The following SPAG8 variants were observed in gnomAD, a reference collection of about 807,000 sequenced individuals.
The protein encoded by SPAG8 is sperm-associated antigen 8.
Under a neutral mutation model 45.3 loss-of-function variants are expected in SPAG8, and 36 were observed. The ratio of observed to expected loss-of-function variants is 0.80; its 90% CI spans 0.61 to 1.05. SPAG8 has a LOEUF of 1.05. SPAG8 is among the 50% of genes least tolerant of loss of function. The pLI is 0.00. For missense variants in SPAG8, 573 were observed against 609.2 expected, an observed-to-expected ratio of 0.94 and a Z score of 0.63; for synonymous variants, 227 against 232.6, an observed-to-expected ratio of 0.98 and a Z score of 0.22.
chr9:35,811,535 A>G lies in SPAG8; in HGVS notation c.511T>C (p.Ser171Pro). The G allele has an allele frequency of 5.0e-6, 8 of 1,606,436 alleles. No individual in the cohort carries two copies. Among genetic ancestry groups the G allele is most frequent in the Non-Finnish European group, 6.0e-6 (7 of 1,175,670 alleles). The part of the protein sequence containing the change: ...SGPGCGSVPG[S>P]GSGPGPGSGP... ...GAGCCAGGACCAGGACCAGAGCCAGAGCCAGGGACAGAGCCACAGCCAGGA... is the reference window on the plus strand; with the variant it reads ...GAGCCAGGACCAGGACCAGAGCCAGGGCCAGGGACAGAGCCACAGCCAGGA... Residue 171 changes from serine (S) to proline (P), a missense_variant, in exon 2 of 7, where the codon TCT becomes CCT. Ser to Pro is a moderately conservative substitution (Grantham distance 74). Coordinates refer to ENST00000396638, the MANE Select transcript of SPAG8 (RefSeq NM_001039592.2).
In SPAG8 at chr9:35,811,694, CAT is replaced by C. The variant is rs1350654575; in HGVS notation, c.350_351del (p.Tyr117CysfsTer13). 7.4e-6 allele frequency: 12 copies of C among 1,614,224 alleles called. No individual in the cohort carries two copies. Among genetic ancestry groups the C allele is most frequent in the East Asian group, 4.5e-5 (2 of 44,882 alleles). ...AHGSLGFEPV[Y>X]VSCIAQDTCT... ...CAAGTGTCCTGAGCAATACAGGAAA[CAT>C]AGACGGGCTCAAAGCCAAGACTCCC... On this transcript the variant is annotated frameshift_variant, in exon 2 of 7. Transcript: ENST00000396638. LOFTEE classifies it high-confidence loss of function.
chr9:35,810,939 C>T lies in SPAG8; in HGVS notation c.983G>A (p.Ser328Asn). ...CTGGTACGAGTCTTTCTGGGTGGTG[C>T]TGGAGGGCATGGGTGACTTTAGTTG... The part of the protein sequence containing the change: ...TMQLKSPMPS[S>N]TTQKDSYQPP... Residue 328 changes from serine (S) to asparagine (N), a missense_variant, in exon 3 of 7, where the codon AGC becomes AAC. Coordinates refer to ENST00000396638, the MANE Select transcript of SPAG8 (RefSeq NM_001039592.2). The T allele has an allele frequency of 6.2e-7, 1 of 1,614,040 alleles. No homozygotes were observed. The highest frequency in any genetic ancestry group is 1.3e-5 in the African/African-American group (1 of 74,990).
chr9:35,810,069 C>T lies in SPAG8; in HGVS notation c.1327G>A (p.Val443Ile), dbSNP rs1334686789. Residue 443 changes from valine (V) to isoleucine (I), a missense_variant, in exon 7 of 7, where the codon GTA becomes ATA. Coordinates refer to ENST00000396638, the MANE Select transcript of SPAG8 (RefSeq NM_001039592.2). Reference protein sequence around the residue: ...FRKNCSFSTPVPLSLGKLLPY... With the variant: ...FRKNCSFSTPIPLSLGKLLPY... ...AAAAGTTTCCCCAGAGACAAGGGTA[C>T]TGGTGTTGAGAAGCTGCAGTTCTTC... is the stretch of plus-strand genomic sequence containing the variant. The T allele has an allele frequency of 6.2e-7, 1 of 1,613,672 alleles. No homozygotes were observed. The highest frequency in any genetic ancestry group is 8.5e-7 in the Non-Finnish European group (1 of 1,179,710).
chr9:35,812,208 G>T lies in SPAG8; in HGVS notation c.-61C>A. 1.3e-6 allele frequency: 2 copies of T among 1,580,520 alleles called. No homozygotes were observed. The highest frequency in any genetic ancestry group is 1.7e-6 in the Non-Finnish European group (2 of 1,166,558). ...GCAAACAACTCCTGGAGCCTGCGCA[G>T]AAGTACAGCTGGGCGGACTTGCAGG... On this transcript the variant is annotated 5_prime_UTR_variant, in exon 1 of 7. It adds an upstream start codon to the 5' untranslated region. Transcript: ENST00000396638.
At chr9:35,809,413 G>A, downstream of SPAG8, 3 of 1,614,202 alleles carry the variant, frequency 1.9e-6, no homozygotes, top group Non-Finnish European at 2.5e-6. This position sits in a 1 kb window ranked among gnomAD's most constrained non-coding sequence, Gnocchi z 4.1. Context: ...CTGGCTCTTA[G>A]GAGAGCGGAA....
chr9:35,809,189 A>C, downstream of SPAG8: 1 of 1,614,018 alleles, frequency 6.2e-7, no homozygotes, highest in South Asian at 1.1e-5. This position sits in a 1 kb window ranked among gnomAD's most constrained non-coding sequence, Gnocchi z 4.1. Flanking sequence ...ACCACCAAGG[A>C]TGCCCTAGAT....
chr9:35,809,591 G>T, downstream of SPAG8: 1 of 1,330,600 alleles, frequency 7.5e-7, no homozygotes, highest in Non-Finnish European at 1.1e-6. This position sits in a 1 kb window ranked among gnomAD's most constrained non-coding sequence, Gnocchi z 4.1. Flanking sequence ...GGAAGTTGTA[G>T]CCCTCTGCAG....
downstream of SPAG8, chr9:35,809,033 A>T: frequency 9.5e-7 from 1 of 1,055,210 alleles, no homozygotes; most frequent in Non-Finnish European, 1.5e-6. This position sits in a 1 kb window ranked among gnomAD's most constrained non-coding sequence, Gnocchi z 4.1. Flanking sequence ...GTCCTAATAG[A>T]TATGCATTGG....
intron 3 of SPAG8, 74 bp from the exon 4 acceptor site, chr9:35,810,756 A>G: frequency 1.2e-6 from 2 of 1,606,430 alleles, no homozygotes; most frequent in Non-Finnish European, 1.7e-6. Context: ...AACTTGAGAA[A>G]AGGAAGAAGA....
In SPAG8 at chr9:35,810,073, T is replaced by C. The variant is rs1828696160; in HGVS notation, c.1323A>G (p.Thr441=). ...TPFRKNCSFS[T]PVPLSLGKLL... is the part of the protein sequence containing the mutation. ...GTTTCCCCAGAGACAAGGGTACTGG[T>C]GTTGAGAAGCTGCAGTTCTTCCGGA... The change falls in exon 7 of 7, where the codon ACA becomes ACG. Residue 441 remains threonine (T), a synonymous_variant. Coordinates refer to ENST00000396638, the MANE Select transcript of SPAG8 (RefSeq NM_001039592.2). The C allele has an allele frequency of 6.2e-7, 1 of 1,613,476 alleles. No homozygotes were observed. Among genetic ancestry groups the C allele is most frequent in the African/African-American group, 1.3e-5 (1 of 74,972 alleles).
chr9:35,812,152 A>G lies in SPAG8; in HGVS notation c.-5T>C. ...CGTAGACTCGTTGGTCTCCATCTTC[A>G]GACTCCAGCTACTGGGTTGCCATAG... On this transcript the variant is annotated 5_prime_UTR_variant, in exon 1 of 7. Transcript: ENST00000396638. The G allele has an allele frequency of 6.2e-7, 1 of 1,604,998 alleles. No homozygotes were observed. Among genetic ancestry groups the G allele is most frequent in the Non-Finnish European group, 8.5e-7 (1 of 1,179,944 alleles).
In SPAG8 at chr9:35,810,725, G is replaced by A. The variant is rs150516249; in HGVS notation, c.1040-43C>T. 21 of 1,612,882 alleles carry A rather than the reference G, an allele frequency of 1.3e-5. No individual in the cohort carries two copies. The South Asian group carries it at 1.4e-4, about 11-fold the overall frequency. Reference sequence around the variant, plus strand: ...GGTGGGCAAGGTGGGGTCTGGTTAAGAAGGAGGCCCAGAAGAAACTAACTT... The same window carrying A: ...GGTGGGCAAGGTGGGGTCTGGTTAAAAAGGAGGCCCAGAAGAAACTAACTT... On this transcript the variant is annotated intron_variant, in intron 3 of 6. Coordinates refer to ENST00000396638, the MANE Select transcript of SPAG8 (RefSeq NM_001039592.2).
rs769052538 is a variant in SPAG8 at position 35,810,989 on chromosome 9, G to A, written c.933C>T (p.His311=). ...QDGSESFFFR[H]GHRGLLTMQL... ...GCATAGTCAGCAGTCCCCGGTGTCC[G>A]TGTCGGAAGAAAAAACTCTCAGAGC... is the stretch of plus-strand genomic sequence containing the variant. The change falls in exon 3 of 7, where the codon CAC becomes CAT. Residue 311 remains histidine (H), a synonymous_variant. Coordinates refer to ENST00000396638, the MANE Select transcript of SPAG8 (RefSeq NM_001039592.2). The A allele has an allele frequency of 9.9e-6, 16 of 1,613,990 alleles. No homozygotes were observed. The East Asian group carries it at 1.6e-4, about 16-fold the overall frequency.
chr9:35,808,369 A>G, downstream of SPAG8: 1 of 1,411,030 alleles, frequency 7.1e-7, no homozygotes. This position sits in a 1 kb window ranked among gnomAD's most constrained non-coding sequence, Gnocchi z 4.0. Flanking sequence ...ACTCAGGACC[A>G]TGGCACTTAT....
chr9:35,808,434 A>T (rs990242395), downstream of SPAG8: 2 of 1,516,794 alleles, frequency 1.3e-6, no homozygotes, highest in Non-Finnish European at 1.8e-6. This position sits in a 1 kb window ranked among gnomAD's most constrained non-coding sequence, Gnocchi z 4.0. Context: ...GATGGTGTCA[A>T]GCTTGTCTCC....
rs1252303246 is a variant in SPAG8, at chr9:35,811,562, C to T, written c.484G>A (p.Gly162Ser). The T allele has an allele frequency of 1.2e-6, 2 of 1,612,236 alleles. No homozygotes were observed. Among genetic ancestry groups the T allele is most frequent in the East Asian group, 2.2e-5 (1 of 44,800 alleles). The stretch of plus-strand genomic sequence containing the variant: ...CCAGGGACAGAGCCACAGCCAGGAC[C>T]AGAGCCAGAGCCAGAGCCATGGCCA... ...GAGHGSGSGS[G>S]PGCGSVPGSG... The change falls in exon 2 of 7, where the codon GGT (glycine) becomes AGT (serine). Residue 162 changes from glycine to serine, a missense_variant. Coordinates refer to ENST00000396638, the MANE Select transcript of SPAG8 (RefSeq NM_001039592.2).
Position 35,811,957 on chromosome 9 carries a change from G to T in SPAG8, c.89C>A (p.Ser30Ter), listed in dbSNP as rs1563999691. The change falls in exon 2 of 7, where the codon TCG becomes TAG. Residue 30 changes from serine to a stop codon, truncating the protein, a stop_gained. Transcript: ENST00000396638. LOFTEE classifies it high-confidence loss of function. Reference sequence around the variant, plus strand: ...GTCATCTGAAGAAGGAAACGGTTCCGAAGTGGGCCCCAGTCCTTCGGAGCT... The same window carrying T: ...GTCATCTGAAGAAGGAAACGGTTCCTAAGTGGGCCCCAGTCCTTCGGAGCT... ...QPSSEGLGPTSEPFPSSDDSP... is the reference protein window; with the variant it reads ...QPSSEGLGPT 1 of 1,600,980 alleles carries T rather than the reference G, an allele frequency of 6.2e-7. No homozygotes were observed. Among genetic ancestry groups the T allele is most frequent in the East Asian group, 2.2e-5 (1 of 44,510 alleles).
chr9:35,808,396 T>C (rs1031730507), downstream of SPAG8: 18 of 1,398,848 alleles, frequency 1.3e-5, no homozygotes, highest in Middle Eastern at 5.3e-4. The surrounding 1 kb of genome is among the most constrained non-coding windows in gnomAD (Gnocchi z 4.0). Flanking sequence ...GTCAATATTC[T>C]GGTCTCCAGC....
Position 35,812,257 on chromosome 9 carries a change from C to A in SPAG8, c.-110G>T. 1.6e-6 allele frequency: 2 copies of A among 1,271,416 alleles called. No homozygotes were observed. The highest frequency in any genetic ancestry group is 2.2e-6 in the Non-Finnish European group (2 of 909,036). 78.8% of individuals were successfully genotyped at this position (1,271,416 alleles called of 1,614,324 possible). A position where few individuals can be genotyped will look rare whatever the true frequency, so the allele number is the denominator to read the frequency against. The stretch of plus-strand genomic sequence containing the variant: ...GGTGGCGGTGGAGGCAAGTCCTCTG[C>A]GGGGCGGAAGTCTTCAGCCTAGTGC... On this transcript the variant is annotated 5_prime_UTR_variant, in exon 1 of 7. Transcript: ENST00000396638.
Sources: gnomAD v4.1 joint callset for allele counts on GRCh38, gnomAD v4.1.1 for gene constraint, Gnocchi (gnomAD v3.1) non-coding constraint, MANE v1.5 for transcripts, NCBI Gene and HGNC (gene_info 2026-07-23, HGNC 2026-07-21) for gene names.